The following FOXN3 variants were observed in gnomAD, a reference collection of about 807,000 sequenced individuals.
The protein encoded by FOXN3 is forkhead box N3.
In FOXN3, 7 loss-of-function variants were observed where a neutral mutation model predicts 38.4. That is an observed-to-expected ratio of 0.18 (90% CI 0.10 to 0.34). FOXN3 has a LOEUF of 0.34. FOXN3 is among the 10% of genes least tolerant of loss of function. The probability of loss-of-function intolerance (pLI) is 1.00; values close to 1 mark genes in which losing one functional copy is unlikely to be tolerated. For synonymous variants in FOXN3, 230 were observed against 242.2 expected (o/e 0.95, Z 0.47); for missense variants, 456 against 613.4 (o/e 0.74, Z 2.71).
chr14:89,325,862 G>T (rs1397605273), intron 3 of FOXN3, among the ~76,000 whole-genome samples: 1 of 152,142 alleles, frequency 6.6e-6, no homozygotes, highest in Non-Finnish European at 1.5e-5. Flanking sequence ...TGCCTCTTGG[G>T]GACCAAGCCT....
intron 1 of FOXN3, among the ~76,000 whole-genome samples, chr14:89,509,034 G>A (rs1566680045): frequency 6.6e-6 from 1 of 151,478 alleles, no homozygotes; most frequent in Non-Finnish European, 1.5e-5. Context: ...CCCAGCCTCC[G>A]CTCTACCCCC....
chr14:89,360,739 G>T (rs550524005), intron 2 of FOXN3, among the ~76,000 whole-genome samples: 1 of 64,960 alleles, frequency 1.5e-5, no homozygotes, highest in Non-Finnish European at 3.0e-5. Flanking sequence ...ACCACCTCCA[G>T]CACCACCTCC....
At chr14:89,524,534 T>G (rs1894398198) in intron 1 of FOXN3, among the ~76,000 whole-genome samples, 1 of 151,390 alleles carries the variant, frequency 6.6e-6, no homozygotes, top group African/African-American at 2.4e-5. Context: ...AAAAGCTGGT[T>G]CCTTGGGAAG....
intron 1 of FOXN3, among the ~76,000 whole-genome samples, chr14:89,559,931 C>A (rs1160126724): frequency 6.6e-6 from 1 of 152,108 alleles, no homozygotes; most frequent in Non-Finnish European, 1.5e-5. Flanking sequence ...GCCTTCCTTG[C>A]ATGAACCAGT....
At chr14:89,383,107 T>C (rs1890704514) in intron 2 of FOXN3, among the ~76,000 whole-genome samples, 1 of 146,896 alleles carries the variant, frequency 6.8e-6, no homozygotes, top group South Asian at 2.2e-4. Context: ...GGTAGCCAGG[T>C]TTTTTGATAA....
In FOXN3 at chr14:89,174,249, G is replaced by A. The variant is rs904791292; in HGVS notation, c.851+6452C>T. ...TCCAGTCTAATTCTACCTGTGCCTC[G>A]GCTGTAAAATCAAGGTGAGGTTTAA... On this transcript the variant is annotated intron_variant, in intron 5 of 5. Coordinates refer to ENST00000557258, the MANE Select transcript of FOXN3 (RefSeq NM_005197.4). Among the ~76,000 whole-genome samples, 126 of 151,962 alleles carry A rather than the reference G, an allele frequency of 8.3e-4. 1 individual carries two copies. Among genetic ancestry groups the A allele is most frequent in the African/African-American group, 2.2e-4 (9 of 41,452 alleles).
chr14:89,218,567 AATG>A (rs1434625471), intron 4 of FOXN3, among the ~76,000 whole-genome samples: 2 of 152,192 alleles, frequency 1.3e-5, no homozygotes, highest in Non-Finnish European at 2.9e-5. Context: ...TTTTTCATTC[AATG>A]ATAAGTTTTG....
intron 1 of FOXN3, among the ~76,000 whole-genome samples, chr14:89,586,402 T>C (rs1353057623): frequency 6.6e-6 from 1 of 152,132 alleles, no homozygotes; most frequent in Non-Finnish European, 1.5e-5. Context: ...AGGGACTCTG[T>C]GGAGGTTTTA....
intron 3 of FOXN3, among the ~76,000 whole-genome samples, chr14:89,328,355 A>G (rs866564972): frequency 4.6e-5 from 7 of 152,180 alleles, no homozygotes; most frequent in Middle Eastern, 3.2e-3. Flanking sequence ...CCCTGGATGA[A>G]TGGGGGAAGA....
At chr14:89,418,421 C>CCG (rs1402858505), upstream of FOXN3, among the ~76,000 whole-genome samples, 1 of 127,468 alleles carries the variant, frequency 7.8e-6, no homozygotes, top group Non-Finnish European at 1.6e-5. Context: ...GACCCCCCCC[C>CCG]CCCAATCTGA....
rs575893537 is a variant in FOXN3, at chr14:89,392,625, T to A, written c.543+19309A>T. Among the ~76,000 whole-genome samples, 11 of 134,162 alleles carry A rather than the reference T, an allele frequency of 8.2e-5. No homozygotes were observed. The East Asian group carries it at 2.3e-3, about 28-fold the overall frequency. The allele number at this position is 134,162 out of a possible 152,430, so 88.0% of individuals were successfully genotyped here. A position where few individuals can be genotyped will look rare whatever the true frequency, so the allele number is the denominator to read the frequency against. On this transcript the variant is annotated intron_variant, in intron 2 of 5. Transcript: ENST00000557258. ...CACGGTGCTCTCCCCTGCACATGTG[T>A]CTGTGTCTCGTCTTTTTTTTTTTTT...
intron 4 of FOXN3, among the ~76,000 whole-genome samples, chr14:89,194,365 G>C (rs749462031): frequency 6.6e-6 from 1 of 152,104 alleles, no homozygotes; most frequent in Non-Finnish European, 1.5e-5. Flanking sequence ...AAAAATAGAA[G>C]TAATCACTCA....
chr14:89,169,366 A>T (rs1490186240), intron 5 of FOXN3, among the ~76,000 whole-genome samples: 1 of 152,132 alleles, frequency 6.6e-6, no homozygotes, highest in Non-Finnish European at 1.5e-5. Flanking sequence ...ATTTGAAACC[A>T]GGAGGCTGAG....
At chr14:89,170,882 G>C (rs916527880) in intron 5 of FOXN3, among the ~76,000 whole-genome samples, 2 of 151,874 alleles carry the variant, frequency 1.3e-5, no homozygotes, top group Non-Finnish European at 1.5e-5. Context: ...AAGCAGTAGG[G>C]TGAGGAAAAT....
intron 4 of FOXN3, among the ~76,000 whole-genome samples, chr14:89,260,166 G>A (rs1240417783): frequency 6.6e-6 from 1 of 152,184 alleles, no homozygotes; most frequent in African/African-American, 2.4e-5. Flanking sequence ...TAGCTTACCG[G>A]TCCTCACCCT....
At chr14:89,494,610 G>A (rs925209654) in intron 1 of FOXN3, among the ~76,000 whole-genome samples, 14 of 152,200 alleles carry the variant, frequency 9.2e-5, no homozygotes, top group African/African-American at 3.1e-4. Context: ...TCCTGGAATG[G>A]CACCAGAAGA....
intron 1 of FOXN3, among the ~76,000 whole-genome samples, chr14:89,552,285 A>C (rs1184571476): frequency 6.6e-6 from 1 of 152,214 alleles, no homozygotes; most frequent in Non-Finnish European, 1.5e-5. Flanking sequence ...TTCTGTGAAA[A>C]TATCAGCCAA....
chr14:89,203,072 CA>C lies in FOXN3; in HGVS notation c.746-22267del, dbSNP rs746865645. Among the ~76,000 whole-genome samples the C allele has an allele frequency of 6.6e-5, 7 of 105,292 alleles. No homozygotes were observed. In the East Asian group the frequency reaches 1.9e-3, roughly 28 times the overall value. The allele number at this position is 105,292 out of a possible 152,430, so 69.1% of individuals were successfully genotyped here. ...CAGTGGTGCTCTAAGAACCCATCTG[CA>C]ACCAGGGAATGTGGGGGGGGTGGGG... is the stretch of plus-strand genomic sequence containing the variant. On this transcript the variant is annotated intron_variant, in intron 4 of 5. Transcript: ENST00000557258.
At chr14:89,464,819 T>C (rs1439506683) in intron 1 of FOXN3, among the ~76,000 whole-genome samples, 1 of 152,118 alleles carries the variant, frequency 6.6e-6, no homozygotes, top group African/African-American at 2.4e-5. Flanking sequence ...TGCCTCAGCC[T>C]CTCGAATAGC....
Sources: gnomAD v4.1 joint callset for allele counts (sites outside exome capture counted in the v4.1 genomes callset) on GRCh38, gnomAD v4.1.1 for gene constraint, MANE v1.5 for transcripts, NCBI Gene and HGNC (gene_info 2026-07-23, HGNC 2026-07-21) for gene names.